DLG2: variants seen among roughly 807,000 people sequenced by gnomAD.
The protein encoded by DLG2 is discs large MAGUK scaffold protein 2, also known as disks large homolog 2.
Under a neutral mutation model 132.5 loss-of-function variants are expected in DLG2, and 45 were observed. The ratio of observed to expected loss-of-function variants is 0.34; its 90% CI spans 0.27 to 0.44. DLG2 has a LOEUF of 0.44. Among genes scored for constraint, DLG2 ranks in the 20% least tolerant of loss-of-function variants. DLG2 has a pLI of 1.00. For missense variants in DLG2, 1,045 were observed against 1,196.9 expected (o/e 0.87, Z 1.87); for synonymous variants, 424 against 419.6 (o/e 1.01, Z -0.13).
intron 4 of DLG2, among the ~76,000 whole-genome samples, chr11:85,162,507 A>G (rs1337718331): frequency 1.3e-5 from 2 of 152,244 alleles, no homozygotes; most frequent in South Asian, 2.1e-4. Context: ...GAGGACTGTA[A>G]TTGTCATGAG....
At position 84,468,449 on chromosome 11, in the gene DLG2, C is replaced by T. The variant is rs934696073; in HGVS notation, c.519+66121G>A. On this transcript the variant is annotated intron_variant, in intron 7 of 27. Coordinates refer to ENST00000376104, the MANE Select transcript of DLG2 (RefSeq NM_001142699.3). ...GTAATCCTCCCTGTGCATGTTCCCT[C>T]CACACACCAAACCTCCCACATGTAT... 4.6e-5 allele frequency among the ~76,000 whole-genome samples: 7 copies of T among 151,484 alleles called. No homozygotes were observed. In the South Asian group the frequency reaches 1.5e-3, roughly 31 times the overall value.
rs769362871 is a variant in DLG2, at chr11:83,469,277, T to A, written c.2543A>T (p.Lys848Met). Residue 848 changes from lysine to methionine, a missense_variant, in exon 25 of 28, where the codon AAG becomes ATG. By Grantham distance (95) the Lys-to-Met change is moderately conservative. Around this residue, in one of 4 missense-constraint regions of DLG2, gnomAD observed 398 missense variants for 543.6 expected, o/e 0.73. Transcript: ENST00000376104. ...EQMEKDIQEH[K>M]FIEAGQYNDN... ...ATTGTACTGGCCGGCTTCTATAAACTTGTGCTCTTGGATATCTTTCTCCAT... is the reference window on the plus strand; with the variant it reads ...ATTGTACTGGCCGGCTTCTATAAACATGTGCTCTTGGATATCTTTCTCCAT... 6.2e-7 allele frequency: 1 copy of A among 1,613,764 alleles called. No homozygotes were observed.
At chr11:85,390,955 T>C (rs922426956) in intron 3 of DLG2, among the ~76,000 whole-genome samples, 2 of 151,440 alleles carry the variant, frequency 1.3e-5, no homozygotes, top group African/African-American at 2.4e-5. Context: ...CAGAACTAAA[T>C]GAAATTGAAA....
At chr11:84,780,214 G>A (rs2071468578) in intron 6 of DLG2, among the ~76,000 whole-genome samples, 1 of 151,998 alleles carries the variant, frequency 6.6e-6, no homozygotes, top group African/African-American at 2.4e-5. Context: ...TGCTAGGGAT[G>A]CAAAGATGGC....
chr11:85,351,370 ACTT>A (rs2083274185), intron 3 of DLG2, among the ~76,000 whole-genome samples: 1 of 152,162 alleles, frequency 6.6e-6, no homozygotes, highest in Admixed American at 6.6e-5. Flanking sequence ...GGACAATTTC[ACTT>A]CCTCATTTCC....
At chr11:83,899,989 C>T (rs1336126778) in intron 15 of DLG2, among the ~76,000 whole-genome samples, 1 of 152,128 alleles carries the variant, frequency 6.6e-6, no homozygotes, top group Non-Finnish European at 1.5e-5. Flanking sequence ...AAAGTCCAGG[C>T]TGAGGTGGTC....
At chr11:85,498,010 A>G (rs1336925932) in intron 3 of DLG2, among the ~76,000 whole-genome samples, 1 of 152,204 alleles carries the variant, frequency 6.6e-6, no homozygotes, top group African/African-American at 2.4e-5. Flanking sequence ...GCTATGAAGA[A>G]ACCACATCAA....
At chr11:84,433,891 C>A (rs2098992400) in intron 7 of DLG2, among the ~76,000 whole-genome samples, 1 of 152,024 alleles carries the variant, frequency 6.6e-6, no homozygotes, top group Non-Finnish European at 1.5e-5. Flanking sequence ...CCAAGGTGGG[C>A]AGATCACTTG....
chr11:84,813,221 G>A (rs550107902), intron 6 of DLG2, among the ~76,000 whole-genome samples: 13 of 152,026 alleles, frequency 8.6e-5, no homozygotes, highest in African/African-American at 3.1e-4. Context: ...TAGGCCTGAG[G>A]AGTGGTCCTG....
chr11:83,617,350 T>G (rs2060978191), intron 19 of DLG2, among the ~76,000 whole-genome samples: 1 of 152,184 alleles, frequency 6.6e-6, no homozygotes, highest in Admixed American at 6.5e-5. Flanking sequence ...TGTATAGTGG[T>G]GCTCTTTTGT....
chr11:84,715,117 C>A (rs1211267444), intron 6 of DLG2, among the ~76,000 whole-genome samples: 1 of 152,064 alleles, frequency 6.6e-6, no homozygotes, highest in Non-Finnish European at 1.5e-5. Context: ...TTTTCAAAAA[C>A]TTTCCCCTAT....
At chr11:83,490,681 A>G (rs2093788870) in intron 21 of DLG2, among the ~76,000 whole-genome samples, 2 of 151,994 alleles carry the variant, frequency 1.3e-5, no homozygotes, top group South Asian at 4.1e-4. Flanking sequence ...TTGTGGGACA[A>G]CATGACACCA....
chr11:84,626,385 C>A (rs2099622556), intron 6 of DLG2, among the ~76,000 whole-genome samples: 1 of 152,088 alleles, frequency 6.6e-6, no homozygotes, highest in Non-Finnish European at 1.5e-5. Flanking sequence ...GTAGCTTGCA[C>A]AGGAAGTGGG....
chr11:83,476,780 C>T (rs1286064919), intron 22 of DLG2, among the ~76,000 whole-genome samples: 5 of 152,092 alleles, frequency 3.3e-5, no homozygotes, highest in African/African-American at 9.7e-5. Context: ...ATAAGGCAGG[C>T]AGCCTCTTGG....
intron 7 of DLG2, among the ~76,000 whole-genome samples, chr11:84,404,609 G>GATATCT (rs1282130020): frequency 6.6e-6 from 1 of 151,950 alleles, no homozygotes; most frequent in Non-Finnish European, 1.5e-5. Flanking sequence ...ATATATACTA[G>GATATCT]ATATCTATGT....
intron 6 of DLG2, among the ~76,000 whole-genome samples, chr11:85,047,122 A>C (rs1016037097): frequency 2.8e-4 from 43 of 151,886 alleles, no homozygotes; most frequent in Admixed American, 8.6e-4. Flanking sequence ...TTTCCCTCCA[A>C]ATCTGAAATT....
intron 10 of DLG2, among the ~76,000 whole-genome samples, chr11:84,088,413 C>T (rs1297524040): frequency 6.6e-6 from 1 of 151,510 alleles, no homozygotes; most frequent in Non-Finnish European, 1.5e-5. Context: ...GTCATGTTTG[C>T]CACAAAGTTA....
intron 3 of DLG2, among the ~76,000 whole-genome samples, chr11:85,464,837 G>T (rs1232314395): frequency 6.6e-6 from 1 of 151,702 alleles, no homozygotes; most frequent in African/African-American, 2.4e-5. Context: ...CACTTTGGGA[G>T]GCCGAGGCAG....
At chr11:83,912,255 A>T (rs943388056) in intron 15 of DLG2, among the ~76,000 whole-genome samples, 2 of 152,158 alleles carry the variant, frequency 1.3e-5, no homozygotes, top group Admixed American at 6.6e-5. Flanking sequence ...ATTATTGATG[A>T]CGACTTGTAT....
Sources: gnomAD v4.1 joint callset for allele counts (sites outside exome capture counted in the v4.1 genomes callset) on GRCh38, gnomAD v4.1.1 for gene constraint, gnomAD v4.1.1 regional missense constraint, MANE v1.5 for transcripts, NCBI Gene and HGNC (gene_info 2026-07-23, HGNC 2026-07-21) for gene names.